Variants in APPL1 observed in about 807,000 individuals in gnomAD.
APPL1 encodes the protein adaptor protein, phosphotyrosine interacting with PH domain and leucine zipper 1.
A neutral mutation model predicts 106.8 loss-of-function variants in APPL1; 42 were observed. The observed-to-expected ratio is 0.39, with a 90% confidence interval of 0.31 to 0.51. APPL1 has a LOEUF of 0.51. APPL1 is among the 20% of genes least tolerant of loss of function. APPL1 has a pLI of 0.75. For missense variants in APPL1, 769 were observed against 858.2 expected (o/e 0.90, Z 1.30); for synonymous variants, 263 against 281.8 (o/e 0.93, Z 0.67).
chr3:57,238,595 C>T (rs1006495713), intron 4 of APPL1, among the ~76,000 whole-genome samples: 5 of 152,246 alleles, frequency 3.3e-5, no homozygotes, highest in Admixed American at 1.3e-4. Flanking sequence ...TATGGAGAAT[C>T]GTTAACTGTT....
At chr3:57,262,533 A>G (rs1030940402) in intron 19 of APPL1, among the ~76,000 whole-genome samples, 1 of 150,794 alleles carries the variant, frequency 6.6e-6, no homozygotes, top group Non-Finnish European at 1.5e-5. Context: ...CTGGGACTAC[A>G]GTTGTGTGCC....
chr3:57,235,882 T>A (rs1233248957), intron 2 of APPL1, among the ~76,000 whole-genome samples: 1 of 152,184 alleles, frequency 6.6e-6, no homozygotes, highest in Non-Finnish European at 1.5e-5. Flanking sequence ...GATAGACGAT[T>A]GAAGCATCTG....
intron 11 of APPL1, 79 bp from the exon 12 acceptor site, chr3:57,252,190 A>T: frequency 8.4e-7 from 1 of 1,188,722 alleles, no homozygotes; most frequent in Non-Finnish European, 1.2e-6. Flanking sequence ...CTTTAACTTT[A>T]AAGATTAAAA....
At position 57,230,897 on chromosome 3, in the gene APPL1, T is replaced by C. The variant is rs1194749875; in HGVS notation, c.54+2960T>C. 3 of 300,704 alleles carry C rather than the reference T, an allele frequency of 1.0e-5. No individual in the cohort carries two copies. In the East Asian group the frequency reaches 3.7e-4, roughly 37 times the overall value. 18.6% of individuals were successfully genotyped at this position (300,704 alleles called of 1,614,324 possible). Reference sequence around the variant, plus strand: ...ACCAAGCTCAGCTAATTTTATTTTATTTTATTTTTATTTTTTGGAGATGGA... The same window carrying C: ...ACCAAGCTCAGCTAATTTTATTTTACTTTATTTTTATTTTTTGGAGATGGA... On this transcript the variant is annotated intron_variant, in intron 1 of 21. Transcript: ENST00000288266.
At chr3:57,243,601 G>T (rs1286550128) in intron 7 of APPL1, among the ~76,000 whole-genome samples, 4 of 152,170 alleles carry the variant, frequency 2.6e-5, no homozygotes, top group African/African-American at 9.7e-5. Context: ...AGTTGGGTAG[G>T]ATTTACTGTG....
chr3:57,258,670 G>A (rs1028529873), intron 15 of APPL1: 1 of 175,354 alleles, frequency 5.7e-6, no homozygotes. Context: ...ACAATTCCAG[G>A]ACATTCTTGG....
chr3:57,254,053 G>A (rs1258531021), intron 13 of APPL1, among the ~76,000 whole-genome samples: 1 of 152,158 alleles, frequency 6.6e-6, no homozygotes, highest in African/African-American at 2.4e-5. Flanking sequence ...AGTAGAGACA[G>A]GATTTGGCCA....
chr3:57,249,007 T>A (rs752838367), intron 10 of APPL1, among the ~76,000 whole-genome samples: 4 of 152,256 alleles, frequency 2.6e-5, no homozygotes, highest in South Asian at 4.1e-4. Flanking sequence ...AATGTTAGTT[T>A]TCACCTGATG....
chr3:57,267,623 T>C, intron 19 of APPL1, 119 bp from the exon 20 acceptor site: 3 of 819,896 alleles, frequency 3.7e-6, no homozygotes, highest in Non-Finnish European at 6.0e-6. Context: ...AATATGCTTT[T>C]GCTTGAAGCA....
intron 19 of APPL1, among the ~76,000 whole-genome samples, chr3:57,266,431 A>G (rs185865263): frequency 7.9e-5 from 12 of 152,078 alleles, no homozygotes; most frequent in East Asian, 7.7e-4. Context: ...GGTAGGTTGT[A>G]TTTGTCTAGG....
intron 11 of APPL1, among the ~76,000 whole-genome samples, chr3:57,251,524 CAAAAAAA>C (rs75189556): frequency 7.0e-5 from 5 of 70,936 alleles, no homozygotes; most frequent in African/African-American, 2.5e-4. Context: ...GACTTTGTCT[CAAAAAAA>C]AAAAAAAAAA....
intron 15 of APPL1, 107 bp downstream of exon 15, chr3:57,257,535 G>A (rs2060843869): frequency 1.0e-6 from 1 of 997,388 alleles, no homozygotes; most frequent in Admixed American, 3.1e-5. Flanking sequence ...CAGCTATGTT[G>A]TACTTTCTTT....
chr3:57,250,260 G>A (rs2060796308), intron 11 of APPL1, among the ~76,000 whole-genome samples: 1 of 151,978 alleles, frequency 6.6e-6, no homozygotes, highest in South Asian at 2.1e-4. Flanking sequence ...CCTACCTCAG[G>A]ATCCCAAGTT....
At chr3:57,261,709 G>A (rs943030004) in intron 19 of APPL1, among the ~76,000 whole-genome samples, 3 of 152,014 alleles carry the variant, frequency 2.0e-5, no homozygotes, top group Admixed American at 6.6e-5. Context: ...TAGTAGAGAC[G>A]GGGTTTCACC....
rs1387617720 is a variant in APPL1 at position 57,227,817 on chromosome 3, G to T, written c.-67G>T. The T allele has an allele frequency of 7.4e-6, 10 of 1,349,816 alleles. No individual in the cohort carries two copies. Among genetic ancestry groups the T allele is most frequent in the South Asian group, 1.5e-5 (1 of 67,312 alleles). 83.6% of individuals were successfully genotyped at this position (1,349,816 alleles called of 1,614,324 possible). A position where few individuals can be genotyped will look rare whatever the true frequency, so the allele number is the denominator to read the frequency against. On this transcript the variant is annotated 5_prime_UTR_variant, in exon 1 of 22. Transcript: ENST00000288266. ...AGGGCGGGCCGGGGTCAGCTGCGGC[G>T]GGCGGGCCGGCGCGGGGAGCTGTGG... is the stretch of plus-strand genomic sequence containing the variant.
At chr3:57,265,059 ATT>A (rs753259459) in intron 19 of APPL1, among the ~76,000 whole-genome samples, 1 of 152,056 alleles carries the variant, frequency 6.6e-6, no homozygotes, top group Non-Finnish European at 1.5e-5. Context: ...TTTTAACAAT[ATT>A]GATTCTTCCA....
intron 1 of APPL1, among the ~76,000 whole-genome samples, chr3:57,229,951 T>C (rs1326425775): frequency 1.3e-5 from 2 of 152,074 alleles, no homozygotes; most frequent in African/African-American, 4.8e-5. Flanking sequence ...TGACCTCAGG[T>C]GATCTGCCCG....
chr3:57,246,672 A>T (rs922108624), intron 8 of APPL1, among the ~76,000 whole-genome samples: 1 of 152,212 alleles, frequency 6.6e-6, no homozygotes, highest in Non-Finnish European at 1.5e-5. Flanking sequence ...TTTGGGTAGT[A>T]TAAGACAAAG....
Position 57,257,367 on chromosome 3 carries a change from A to C in APPL1, c.1369A>C (p.Ile457Leu), listed in dbSNP as rs745817886. ...CCCAGACACCCCAATACAGTTTGAC[A>C]TAATTTCTCCTGTGTGTGAAGATCA... ...VAPDTPIQFD[I>L]ISPVCEDQPG... Residue 457 changes from isoleucine to leucine, a missense_variant, in exon 15 of 22, where the codon ATA (isoleucine) becomes CTA (leucine). Transcript: ENST00000288266. The C allele has an allele frequency of 6.2e-7, 1 of 1,614,124 alleles. No homozygotes were observed. The highest frequency in any genetic ancestry group is 8.5e-7 in the Non-Finnish European group (1 of 1,180,018).
Sources: gnomAD v4.1 joint callset for allele counts (sites outside exome capture counted in the v4.1 genomes callset) on GRCh38, gnomAD v4.1.1 for gene constraint, MANE v1.5 for transcripts, NCBI Gene and HGNC (gene_info 2026-07-23, HGNC 2026-07-21) for gene names.